C10orf67: variants seen among roughly 807,000 people sequenced by gnomAD.
The protein encoded by C10orf67 is chromosome 10 open reading frame 67.
A neutral mutation model predicts 35.6 loss-of-function variants in C10orf67; 60 were observed. That is an observed-to-expected ratio of 1.68 (90% CI 1.37 to 2.09). The LOEUF is 2.09. Among genes scored for constraint, C10orf67 ranks in the 30% most tolerant of loss-of-function variants. The pLI, the probability that C10orf67 is intolerant of heterozygous loss-of-function variation, is 0.00. For synonymous variants in C10orf67, 167 were observed against 115.8 expected, an observed-to-expected ratio of 1.44 and a Z score of -2.84; for missense variants, 474 against 330.2, an observed-to-expected ratio of 1.44 and a Z score of -3.38.
chr10:23,242,224 C>T (rs1159838791), intron 12 of C10orf67, among the ~76,000 whole-genome samples: 3 of 152,122 alleles, frequency 2.0e-5, no homozygotes, highest in Non-Finnish European at 4.4e-5. Flanking sequence ...CCACCTCGGC[C>T]TCCCAAAGTG....
chr10:23,331,074 AGG>A (rs2132381385), intron 2 of C10orf67, among the ~76,000 whole-genome samples: 1 of 58,468 alleles, frequency 1.7e-5, no homozygotes, highest in Non-Finnish European at 3.4e-5. Flanking sequence ...CAGGGAAGGG[AGG>A]AGGGAGGGGA....
At chr10:23,305,745 A>T (rs1342195478) in intron 4 of C10orf67, among the ~76,000 whole-genome samples, 1 of 152,256 alleles carries the variant, frequency 6.6e-6, no homozygotes, top group Non-Finnish European at 1.5e-5. Flanking sequence ...AAAGTGGTAC[A>T]GCCATTATGG....
chr10:23,300,951 G>A lies in C10orf67; in HGVS notation c.702+2353C>T, dbSNP rs561231684. 9.5e-4 allele frequency among the ~76,000 whole-genome samples: 145 copies of A among 152,306 alleles called. 1 individual carries two copies. The highest frequency in any genetic ancestry group is 5.8e-3 in the Admixed American group (89 of 15,298). The stretch of plus-strand genomic sequence containing the variant: ...CTGATTTAGCAGTAACATTGTATCT[G>A]TCCATGTCAGATCAAAGGATTGTCC... On this transcript the variant is annotated intron_variant, in intron 5 of 15. Transcript: ENST00000636213.
chr10:23,343,701 G>A (rs1448186058), intron 1 of C10orf67, among the ~76,000 whole-genome samples: 1 of 152,180 alleles, frequency 6.6e-6, no homozygotes, highest in Non-Finnish European at 1.5e-5. Flanking sequence ...GGGCAGTCTG[G>A]CTCCAGAGTC....
chr10:23,294,484 T>G (rs1455605874), intron 5 of C10orf67, among the ~76,000 whole-genome samples: 1 of 152,090 alleles, frequency 6.6e-6, no homozygotes, highest in East Asian at 1.9e-4. Context: ...ACGGACAGCA[T>G]GGAAACCTGA....
At chr10:23,310,991 G>A (rs4748858) in intron 4 of C10orf67, among the ~76,000 whole-genome samples, 51,241 of 151,710 alleles carry the variant, frequency 0.34, 10,550 homozygotes, top group East Asian at 0.65. Context: ...TTTTTAGATA[G>A]GGTCTTGCTC....
intron 2 of C10orf67, among the ~76,000 whole-genome samples, chr10:23,329,812 A>G (rs1393679296): frequency 6.7e-5 from 10 of 148,506 alleles, no homozygotes; most frequent in East Asian, 1.9e-4. Flanking sequence ...AAAAAAAAAA[A>G]AAAAGAAAAG....
At chr10:23,277,562 A>G (rs1843227720) in intron 8 of C10orf67, among the ~76,000 whole-genome samples, 2 of 152,000 alleles carry the variant, frequency 1.3e-5, no homozygotes. Context: ...AAAAAAAAAA[A>G]AAAAATAATA....
chr10:23,278,452 T>A (rs979831386), intron 8 of C10orf67, among the ~76,000 whole-genome samples: 1 of 152,184 alleles, frequency 6.6e-6, no homozygotes, highest in Non-Finnish European at 1.5e-5. Flanking sequence ...ATCCCTTCCA[T>A]CATTTACTCA....
intron 1 of C10orf67, among the ~76,000 whole-genome samples, chr10:23,336,044 TAGA>T (rs1376997940): frequency 6.6e-6 from 1 of 152,144 alleles, no homozygotes; most frequent in Non-Finnish European, 1.5e-5. Flanking sequence ...GAGTCAGGCA[TAGA>T]AGAACAGCAA....
At chr10:23,277,177 G>A (rs962595192) in intron 8 of C10orf67, among the ~76,000 whole-genome samples, 1 of 152,126 alleles carries the variant, frequency 6.6e-6, no homozygotes, top group Admixed American at 6.6e-5. Context: ...CAGAAGCTAC[G>A]TGATATTTAT....
rs1192079420 is a variant in C10orf67 at position 23,223,647 on chromosome 10, C to T, written c.1521G>A (p.Lys507=). 1.4e-6 allele frequency: 1 copy of T among 717,586 alleles called. No homozygotes were observed. Among genetic ancestry groups the T allele is most frequent in the Non-Finnish European group, 2.6e-6 (1 of 385,032 alleles). 44.5% of individuals were successfully genotyped at this position (717,586 alleles called of 1,614,324 possible). ...SSHCTSSIDG[K]HVDVVSDQAA... is the part of the protein sequence containing the mutation. ...CCTGATCACTGACTACATCCACATG[C>T]TTACCGTCTATCTGTAAGTGAACCA... The change falls in exon 15 of 16, where the codon AAG becomes AAA. Residue 507 remains lysine (K), a synonymous_variant. Transcript: ENST00000636213.
chr10:23,216,748 A>T (rs1841441779), intron 15 of C10orf67, among the ~76,000 whole-genome samples: 1 of 152,212 alleles, frequency 6.6e-6, no homozygotes. Flanking sequence ...TCATGGATAT[A>T]ATGCTTGAAA....
At chr10:23,236,602 G>C (rs1047557502) in intron 13 of C10orf67, among the ~76,000 whole-genome samples, 1 of 152,148 alleles carries the variant, frequency 6.6e-6, no homozygotes, top group Non-Finnish European at 1.5e-5. Context: ...CTTTGGCCGG[G>C]CGTGGTGGCT....
At chr10:23,264,984 A>C (rs1433031076) in intron 10 of C10orf67, among the ~76,000 whole-genome samples, 2 of 152,252 alleles carry the variant, frequency 1.3e-5, no homozygotes, top group Non-Finnish European at 2.9e-5. Context: ...CCAAAAAAAT[A>C]CTTCCCAAAA....
chr10:23,232,686 A>C (rs1462992803), intron 13 of C10orf67, among the ~76,000 whole-genome samples: 2 of 152,204 alleles, frequency 1.3e-5, no homozygotes, highest in African/African-American at 4.8e-5. Context: ...GAAACTTTGA[A>C]GGGAGGTACA....
intron 15 of C10orf67, among the ~76,000 whole-genome samples, chr10:23,211,494 C>A (rs1379746265): frequency 1.4e-5 from 2 of 142,230 alleles, no homozygotes; most frequent in Non-Finnish European, 3.0e-5. Context: ...GGGGGGGTAT[C>A]ACAATTCAAC....
Position 23,239,793 on chromosome 10 carries a change from A to G in C10orf67, c.1370T>C (p.Met457Thr). 1 of 630,178 alleles carries G rather than the reference A, an allele frequency of 1.6e-6. No homozygotes were observed. Among genetic ancestry groups the G allele is most frequent in the South Asian group, 1.8e-5 (1 of 54,766 alleles). 39.0% of individuals were successfully genotyped at this position (630,178 alleles called of 1,614,324 possible). The change falls in exon 13 of 16, where the codon ATG becomes ACG. Residue 457 changes from methionine to threonine, a missense_variant. Coordinates refer to ENST00000636213, the MANE Select transcript of C10orf67 (RefSeq NM_001371909.1). ...RNSFHVLKNE[M>T]FTRHTLFRQF... ...ACGAAACAGTGTGTGCCTTGTAAACATCTCATTCTTAAGGACATGAAAGCT... is the reference window on the plus strand; with the variant it reads ...ACGAAACAGTGTGTGCCTTGTAAACGTCTCATTCTTAAGGACATGAAAGCT...
intron 12 of C10orf67, among the ~76,000 whole-genome samples, chr10:23,242,120 T>C (rs1259871365): frequency 1.3e-5 from 2 of 152,116 alleles, no homozygotes; most frequent in African/African-American, 4.8e-5. Context: ...TACAGGTGCC[T>C]GCCACCACGC....
Sources: allele counts gnomAD v4.1 joint callset (sites outside exome capture counted in the v4.1 genomes callset), GRCh38; gene constraint gnomAD v4.1.1; transcripts MANE v1.5; gene names NCBI Gene and HGNC (gene_info 2026-07-23, HGNC 2026-07-21).